SRL: variants seen among roughly 807,000 people sequenced by gnomAD.
The protein encoded by SRL is sarcalumenin.
SRL carries 23 observed loss-of-function variants against 39.5 expected under a neutral mutation model. The ratio of observed to expected loss-of-function variants is 0.58; its 90% CI spans 0.42 to 0.82. SRL has a LOEUF of 0.82. Among genes scored for constraint, SRL ranks in the 40% least tolerant of loss-of-function variants. The pLI, the probability that SRL is intolerant of heterozygous loss-of-function variation, is 0.00. For missense variants in SRL, 592 were observed against 607.8 expected (o/e 0.97, Z 0.27); for synonymous variants, 272 against 237.4 (o/e 1.15, Z -1.34).
At chr16:4,201,523 C>T (rs1157235784) in intron 3 of SRL, among the ~76,000 whole-genome samples, 1 of 138,804 alleles carries the variant, frequency 7.2e-6, no homozygotes, top group Non-Finnish European at 1.5e-5. Flanking sequence ...GGGATCTGCT[C>T]GCCTCAGCCT....
At chr16:4,212,123 T>G (rs906882126) in intron 1 of SRL, among the ~76,000 whole-genome samples, 1 of 152,186 alleles carries the variant, frequency 6.6e-6, no homozygotes, top group African/African-American at 2.4e-5. Context: ...AAGCAAGGTG[T>G]GTGCATATGT....
At chr16:4,241,619 A>G (rs1420881872) in intron 1 of SRL, among the ~76,000 whole-genome samples, 4 of 152,172 alleles carry the variant, frequency 2.6e-5, no homozygotes, top group African/African-American at 7.2e-5. Flanking sequence ...ATATCCCACC[A>G]GGTGGGAGGG....
At chr16:4,235,196 A>C (rs1200009682) in intron 1 of SRL, among the ~76,000 whole-genome samples, 1 of 152,224 alleles carries the variant, frequency 6.6e-6, no homozygotes, top group Non-Finnish European at 1.5e-5. Context: ...AGGTGAGGCC[A>C]GGGGCGAGGT....
chr16:4,217,079 T>C (rs1004173475), intron 1 of SRL, among the ~76,000 whole-genome samples: 11 of 152,016 alleles, frequency 7.2e-5, no homozygotes, highest in Non-Finnish European at 1.6e-4. Flanking sequence ...CTGGAGGGAA[T>C]CTTCTTGAGA....
At position 4,195,655 on chromosome 16, in the gene SRL, G is replaced by A. The variant is rs76988584; in HGVS notation, c.508C>T (p.Leu170=). Residue 170 remains leucine, a synonymous_variant, in exon 5 of 6, where the codon CTA becomes TTA. Coordinates refer to ENST00000399609, the MANE Select transcript of SRL (RefSeq NM_001098814.2). Reference sequence around the variant, plus strand: ...ACCTCAATGCCAATCAGCTTCTCTAGGAAATTCTGGCCAAACTTCTCAAGG... The same window carrying A: ...ACCTCAATGCCAATCAGCTTCTCTAAGAAATTCTGGCCAAACTTCTCAAGG... ...SPLEKFGQNF[L]EKLIGIEVPH... 2.9e-3 allele frequency: 4,739 copies of A among 1,614,122 alleles called. 126 individuals carry two copies. In the African/African-American group the frequency reaches 0.055, roughly 19 times the overall value.
In SRL at chr16:4,203,190, C is replaced by G. The variant is rs756812033; in HGVS notation, c.235G>C (p.Glu79Gln). The change falls in exon 3 of 6, where the codon GAG (glutamate) becomes CAG (glutamine). Residue 79 changes from glutamate (E) to glutamine (Q), a missense_variant. Coordinates refer to ENST00000399609, the MANE Select transcript of SRL (RefSeq NM_001098814.2). Reference sequence around the variant, plus strand: ...CCTGTGATCTCATGCTGCCGGAGCTCATTGTACTTGTAGGACTGCTCCAGA... The same window carrying G: ...CCTGTGATCTCATGCTGCCGGAGCTGATTGTACTTGTAGGACTGCTCCAGA... ...KPLEQSYKYN[E>Q]LRQHEITDGE... 2 of 1,614,196 alleles carry G rather than the reference C, an allele frequency of 1.2e-6. No individual in the cohort carries two copies. Among genetic ancestry groups the G allele is most frequent in the African/African-American group, 1.3e-5 (1 of 75,064 alleles).
intron 1 of SRL, among the ~76,000 whole-genome samples, chr16:4,206,471 T>C (rs1384860018): frequency 6.6e-6 from 1 of 152,124 alleles, no homozygotes; most frequent in Non-Finnish European, 1.5e-5. Context: ...CTACGGCGCA[T>C]CAGGGACCCT....
intron 4 of SRL, among the ~76,000 whole-genome samples, chr16:4,196,051 C>G (rs1444122806): frequency 6.6e-6 from 1 of 152,112 alleles, no homozygotes; most frequent in Non-Finnish European, 1.5e-5. Flanking sequence ...GCCTCCATCT[C>G]CCAGGTTCAA....
intron 1 of SRL, among the ~76,000 whole-genome samples, chr16:4,232,410 G>A (rs1394637829): frequency 6.6e-6 from 1 of 152,210 alleles, no homozygotes; most frequent in East Asian, 1.9e-4. Context: ...CAGGGACACA[G>A]GTGGTCACAT....
At chr16:4,204,663 G>A (rs766139219) in intron 1 of SRL, 29 bp from the exon 2 acceptor site, 29 of 1,603,094 alleles carry the variant, frequency 1.8e-5, no homozygotes, top group African/African-American at 2.7e-5. Flanking sequence ...AGCCAAGTGA[G>A]AGCAAAGCTA....
chr16:4,239,207 C>T (rs534612587), intron 1 of SRL, among the ~76,000 whole-genome samples: 3 of 152,156 alleles, frequency 2.0e-5, no homozygotes, highest in South Asian at 2.1e-4. Context: ...GAGAAAGGGG[C>T]GGGGAAACAG....
At chr16:4,199,981 GC>G (rs955034094) in intron 3 of SRL, among the ~76,000 whole-genome samples, 3 of 146,962 alleles carry the variant, frequency 2.0e-5, no homozygotes, top group Non-Finnish European at 4.4e-5. Flanking sequence ...ACAGGCGTGA[GC>G]CCCCACACCC....
chr16:4,220,918 C>G (rs374994416), intron 1 of SRL, among the ~76,000 whole-genome samples: 7 of 151,904 alleles, frequency 4.6e-5, no homozygotes, highest in African/African-American at 1.7e-4. Context: ...CCCAGGAGTT[C>G]TAGGCTGCAG....
rs760111411 is a variant in SRL, at chr16:4,195,583, T to G, written c.580A>C (p.Ile194Leu). The G allele has an allele frequency of 6.2e-7, 1 of 1,614,056 alleles. No homozygotes were observed. The highest frequency in any genetic ancestry group is 8.5e-7 in the Non-Finnish European group (1 of 1,180,030). ...TCTTGCTGCTTGCGGTTCTCGATGA[T>G]GCCTGGTGTATCCACAAAAGTGACC... is the stretch of plus-strand genomic sequence containing the variant. ...ERVTFVDTPG[I>L]IENRKQQERG... Residue 194 changes from isoleucine (I) to leucine (L), a missense_variant, in exon 5 of 6, where the codon ATC (isoleucine) becomes CTC (leucine). Transcript: ENST00000399609.
chr16:4,198,736 T>A (rs943064593), intron 3 of SRL, among the ~76,000 whole-genome samples: 1 of 152,190 alleles, frequency 6.6e-6, no homozygotes, highest in African/African-American at 2.4e-5. Context: ...TATGAACCAT[T>A]GCACTTACCC....
chr16:4,227,096 T>C (rs1391074815), intron 1 of SRL, among the ~76,000 whole-genome samples: 2 of 143,490 alleles, frequency 1.4e-5, no homozygotes, highest in East Asian at 2.1e-4. Context: ...AACAGATGGA[T>C]GGATGGATAA....
At chr16:4,203,128 C>G (rs1555454303) in intron 3 of SRL, 38 bp downstream of exon 3, 1 of 1,585,320 alleles carries the variant, frequency 6.3e-7, no homozygotes, top group Admixed American at 1.7e-5. Flanking sequence ...TGCGCCGTAC[C>G]CGTAATCTCA....
intron 1 of SRL, among the ~76,000 whole-genome samples, chr16:4,205,733 C>T (rs779593384): frequency 2.0e-5 from 3 of 152,096 alleles, no homozygotes; most frequent in Admixed American, 1.3e-4. Flanking sequence ...GGACCTTCCA[C>T]AGGGCTTTGG....
intron 5 of SRL, among the ~76,000 whole-genome samples, chr16:4,194,453 T>C (rs2052107810): frequency 6.6e-6 from 1 of 152,166 alleles, no homozygotes; most frequent in South Asian, 2.1e-4. Flanking sequence ...AGAAGCCTGC[T>C]AAAGGCTTAT....
Sources: gnomAD v4.1 joint callset for allele counts (sites outside exome capture counted in the v4.1 genomes callset) on GRCh38, gnomAD v4.1.1 for gene constraint, MANE v1.5 for transcripts, NCBI Gene and HGNC (gene_info 2026-07-23, HGNC 2026-07-21) for gene names.